Variants in IPO7 observed in about 807,000 individuals in gnomAD.
IPO7 encodes importin-7.
IPO7 carries 13 observed loss-of-function variants against 136.4 expected under a neutral mutation model. That is an observed-to-expected ratio of 0.10 (90% CI 0.06 to 0.15). The LOEUF is 0.15. IPO7 is among the 10% of genes least tolerant of loss of function. IPO7 has a pLI of 1.00. For missense variants in IPO7, 857 were observed against 1,240.6 expected (o/e 0.69, Z 4.65); for synonymous variants, 403 against 404.4 (o/e 1.00, Z 0.04).
At chr11:9,420,805 C>G in intron 8 of IPO7, 107 bp downstream of exon 8, 1 of 726,896 alleles carries the variant, frequency 1.4e-6, no homozygotes, top group South Asian at 1.8e-5. Context: ...CTGTTTGGAC[C>G]CTGTACCAGG....
intron 16 of IPO7, chr11:9,432,993 T>TTTTTTTTTTG: frequency 6.8e-6 from 1 of 147,572 alleles, no homozygotes; most frequent in Middle Eastern, 3.4e-3. Context: ...CAAATGGTTT[T>TTTTTTTTTTG]TTTTTTTTTT....
intron 2 of IPO7, among the ~76,000 whole-genome samples, chr11:9,408,227 A>T (rs999026813): frequency 7.2e-4 from 110 of 152,334 alleles, no homozygotes; most frequent in African/African-American, 2.5e-3. Flanking sequence ...CGTTAAAAAA[A>T]AACAGTTTTC....
At chr11:9,427,506 C>T (rs1360737265) in intron 12 of IPO7, among the ~76,000 whole-genome samples, 6 of 152,134 alleles carry the variant, frequency 3.9e-5, no homozygotes, top group Non-Finnish European at 7.4e-5. Context: ...GTGATCCACC[C>T]GCCTCGGCTT....
intron 1 of IPO7, among the ~76,000 whole-genome samples, chr11:9,395,748 A>G (rs1463704676): frequency 6.6e-6 from 1 of 151,130 alleles, no homozygotes; most frequent in East Asian, 2.0e-4. Context: ...ACGGAGGCTC[A>G]CTCCGTTCCC....
At chr11:9,393,887 A>G (rs1395856409) in intron 1 of IPO7, among the ~76,000 whole-genome samples, 1 of 151,934 alleles carries the variant, frequency 6.6e-6, no homozygotes, top group East Asian at 1.9e-4. Flanking sequence ...TTTTTCTTTT[A>G]ATTTTTTTAT....
At position 9,431,023 on chromosome 11, in the gene IPO7, T is replaced by C; in HGVS notation, c.1881+20T>C. On this transcript the variant is annotated intron_variant, in intron 16 of 24. Coordinates refer to ENST00000379719, the MANE Select transcript of IPO7 (RefSeq NM_006391.3). ...AAAGAGGTAAGAAGATGATCTAGTG[T>C]TGCAGTTTTTCAAGCCATTTTATGC... 6.2e-7 allele frequency: 1 copy of C among 1,605,750 alleles called. No homozygotes were observed. Among genetic ancestry groups the C allele is most frequent in the Non-Finnish European group, 8.5e-7 (1 of 1,173,606 alleles).
At position 9,425,449 on chromosome 11, in the gene IPO7, A is replaced by T. The variant is rs545150342; in HGVS notation, c.1335+187A>T. 6 of 546,418 alleles carry T rather than the reference A, an allele frequency of 1.1e-5. No homozygotes were observed. In the Admixed American group the frequency reaches 1.9e-4, roughly 17 times the overall value. The allele number at this position is 546,418 out of a possible 1,614,324, so 33.8% of individuals were successfully genotyped here. A position where few individuals can be genotyped will look rare whatever the true frequency, so the allele number is the denominator to read the frequency against. On this transcript the variant is annotated intron_variant, in intron 12 of 24. Transcript: ENST00000379719. Reference sequence around the variant, plus strand: ...TAGTGATACCCCCATCTCTATAAGGATAAAAAATAGGCCGGGTGTGGTGGC... The same window carrying T: ...TAGTGATACCCCCATCTCTATAAGGTTAAAAAATAGGCCGGGTGTGGTGGC...
chr11:9,386,134 C>T (rs1272735721), intron 1 of IPO7, among the ~76,000 whole-genome samples: 1 of 152,216 alleles, frequency 6.6e-6, no homozygotes, highest in African/African-American at 2.4e-5. Context: ...GATCCCTGCC[C>T]TCACGGAACT....
At position 9,394,093 on chromosome 11, in the gene IPO7, G is replaced by A. The variant is rs370789266; in HGVS notation, c.85-9197G>A. Reference sequence around the variant, plus strand: ...TGGGTTCCACCATGTTGGCCAGGATGGTCTCCATCTCTTGACTTCGTGATC... The same window carrying A: ...TGGGTTCCACCATGTTGGCCAGGATAGTCTCCATCTCTTGACTTCGTGATC... On this transcript the variant is annotated intron_variant, in intron 1 of 24. Transcript: ENST00000379719. Among the ~76,000 whole-genome samples the A allele has an allele frequency of 1.4e-4, 22 of 151,748 alleles. No individual in the cohort carries two copies. The East Asian group carries it at 3.7e-3, about 26-fold the overall frequency.
At chr11:9,419,559 A>AAAAAAAATATATATAT (rs1256216265) in intron 6 of IPO7, among the ~76,000 whole-genome samples, 2 of 116,846 alleles carry the variant, frequency 1.7e-5, no homozygotes, top group African/African-American at 7.5e-5. Flanking sequence ...AAAAAAAAAA[A>AAAAAAAATATATATAT]ATATATATAT....
chr11:9,421,724 C>A (rs1855132848), intron 8 of IPO7, among the ~76,000 whole-genome samples: 1 of 151,358 alleles, frequency 6.6e-6, no homozygotes, highest in Non-Finnish European at 1.5e-5. Context: ...GCGGGCGGAT[C>A]ACGAGGTCAG....
chr11:9,433,305 T>G, intron 16 of IPO7: 1 of 423,610 alleles, frequency 2.4e-6, no homozygotes, highest in Non-Finnish European at 4.2e-6. Context: ...ATTTTCATAG[T>G]TGTTTGCATT....
chr11:9,408,718 T>TTG (rs1209016782), intron 3 of IPO7, 79 bp downstream of exon 3: 3 of 1,033,196 alleles, frequency 2.9e-6, no homozygotes, highest in African/African-American at 1.8e-5. Context: ...TTTTTTTTTT[T>TTG]TTTTTTTTTT....
Position 9,423,096 on chromosome 11 carries a change from G to A in IPO7, c.997G>A (p.Val333Ile). The A allele has an allele frequency of 6.3e-7, 1 of 1,594,682 alleles. No individual in the cohort carries two copies. The highest frequency in any genetic ancestry group is 8.6e-7 in the Non-Finnish European group (1 of 1,164,070). ...GACATTAAATTATATTAATCAAGGA[G>A]TTTCTCATGCTCTCACCTGGAAGAA... ...QQTLNYINQG[V>I]SHALTWKNLK... The change falls in exon 9 of 25, where the codon GTT becomes ATT. Residue 333 changes from valine to isoleucine, a missense_variant. Physicochemically the swap from Val to Ile is conservative, Grantham distance 29. Transcript: ENST00000379719.
chr11:9,391,672 C>G (rs1218020116), intron 1 of IPO7, among the ~76,000 whole-genome samples: 10 of 152,116 alleles, frequency 6.6e-5, no homozygotes, highest in Non-Finnish European at 1.2e-4. Context: ...CCACTGCACT[C>G]CAGCCTGGGC....
intron 1 of IPO7, among the ~76,000 whole-genome samples, chr11:9,399,642 G>C (rs905534540): frequency 6.6e-6 from 1 of 152,142 alleles, no homozygotes; most frequent in African/African-American, 2.4e-5. Flanking sequence ...ATAGTGATTG[G>C]ATGAGATCAT....
chr11:9,384,810 C>G lies in IPO7; in HGVS notation c.47C>G (p.Pro16Arg). The change falls in exon 1 of 25, where the codon CCA (proline) becomes CGA (arginine). Residue 16 changes from proline to arginine, a missense_variant. By Grantham distance (103) the Pro-to-Arg change is moderately radical. Around this residue, in one of 11 missense-constraint regions of IPO7, gnomAD observed 49 missense variants for 59.9 expected, o/e 0.82. Coordinates refer to ENST00000379719, the MANE Select transcript of IPO7 (RefSeq NM_006391.3). ...GAGGCCCTGCGGGGCACTATGGACC[C>G]AGCCCTGCGTGAGGCCGCGGAGCGC... ...IIEALRGTMD[P>R]ALREAAERQL... 1 of 1,607,456 alleles carries G rather than the reference C, an allele frequency of 6.2e-7. No homozygotes were observed. The highest frequency in any genetic ancestry group is 8.5e-7 in the Non-Finnish European group (1 of 1,177,182).
At chr11:9,434,151 G>A (rs1161912136) in intron 18 of IPO7, among the ~76,000 whole-genome samples, 1 of 151,952 alleles carries the variant, frequency 6.6e-6, no homozygotes, top group African/African-American at 2.4e-5. Flanking sequence ...TCGAACTCCC[G>A]ACCTGAGGTG....
At chr11:9,438,827 C>T (rs987919641) in intron 22 of IPO7, among the ~76,000 whole-genome samples, 1 of 152,202 alleles carries the variant, frequency 6.6e-6, no homozygotes, top group Non-Finnish European at 1.5e-5. Context: ...TTATTTTACA[C>T]ATTCTCAGCA....
Sources: gnomAD v4.1 joint callset for allele counts (sites outside exome capture counted in the v4.1 genomes callset) on GRCh38, gnomAD v4.1.1 for gene constraint, gnomAD v4.1.1 regional missense constraint, MANE v1.5 for transcripts, NCBI Gene and HGNC (gene_info 2026-07-23, HGNC 2026-07-21) for gene names.